The following HP1BP3 variants were observed in gnomAD, a reference collection of about 807,000 sequenced individuals.
The protein encoded by HP1BP3 is heterochromatin protein 1-binding protein 3.
In HP1BP3, 12 loss-of-function variants were observed where a neutral mutation model predicts 62.5. That is an observed-to-expected ratio of 0.19 (90% CI 0.12 to 0.31). HP1BP3 has a LOEUF of 0.31. Ranked by LOEUF, HP1BP3 falls within the 10% of genes least tolerant of loss-of-function variation. The probability of loss-of-function intolerance (pLI) is 1.00; values close to 1 mark genes in which losing one functional copy is unlikely to be tolerated. For synonymous variants in HP1BP3, 260 were observed against 237.8 expected (o/e 1.09, Z -0.86); for missense variants, 502 against 651.8 (o/e 0.77, Z 2.50).
At chr1:20,750,042 G>A in intron 9 of HP1BP3, 160 bp from the exon 10 acceptor site, 1 of 1,378,400 alleles carries the variant, frequency 7.3e-7, no homozygotes, top group South Asian at 1.6e-5. Flanking sequence ...CCATTCAACA[G>A]GTATTCAATC....
intron 1 of HP1BP3, among the ~76,000 whole-genome samples, chr1:20,781,501 A>C (rs920670204): frequency 6.6e-6 from 1 of 152,254 alleles, no homozygotes; most frequent in Non-Finnish European, 1.5e-5. Flanking sequence ...TTATGGGAAC[A>C]CCAAGAACAA....
In HP1BP3 at chr1:20,746,454, T is replaced by G. The variant is rs558309078; in HGVS notation, c.1254-798A>C. Among the ~76,000 whole-genome samples the G allele has an allele frequency of 1.6e-4, 24 of 152,324 alleles. No homozygotes were observed. In the South Asian group the frequency reaches 5.0e-3, roughly 32 times the overall value. ...AATATGTATTAAGCCAAGTAACACT[T>G]ATGTTTGTACAGAAATAATAATATA... On this transcript the variant is annotated intron_variant, in intron 11 of 12. Transcript: ENST00000438032.
At chr1:20,773,766 A>T (rs2154541112) in intron 4 of HP1BP3, 156 bp from the exon 5 acceptor site, 1 of 471,520 alleles carries the variant, frequency 2.1e-6, no homozygotes, top group East Asian at 3.4e-5. Context: ...TACAAAATAA[A>T]TCTTCTTTAA....
chr1:20,755,527 A>G (rs1284912572), intron 9 of HP1BP3: 1 of 330,538 alleles, frequency 3.0e-6, no homozygotes, highest in Non-Finnish European at 6.4e-6. Context: ...GTGAGCCAAG[A>G]TCACACCACT....
intron 6 of HP1BP3, among the ~76,000 whole-genome samples, chr1:20,768,535 A>G (rs770342921): frequency 2.7e-4 from 41 of 151,888 alleles, no homozygotes; most frequent in Admixed American, 7.9e-4. Flanking sequence ...ACTTTCATAA[A>G]ATTTTAAAGT....
intron 5 of HP1BP3, among the ~76,000 whole-genome samples, chr1:20,772,890 G>A (rs1487721293): frequency 2.0e-5 from 3 of 152,166 alleles, no homozygotes; most frequent in Non-Finnish European, 4.4e-5. Flanking sequence ...TCTATGTAAG[G>A]AGGATAATTT....
At chr1:20,776,239 A>C (rs2057299639) in intron 4 of HP1BP3, 2 of 447,038 alleles carry the variant, frequency 4.5e-6, no homozygotes, top group Admixed American at 8.2e-5. Context: ...AGTAGGAATA[A>C]AATAGTGAAA....
In HP1BP3 at chr1:20,776,764, T is replaced by G; in HGVS notation, c.197-14A>C. Reference sequence around the variant, plus strand: ...TTATGTCTGGTTCTAAAAAATCAGGTGAGCAGAATTGCATAAGCAGATGTA... The same window carrying G: ...TTATGTCTGGTTCTAAAAAATCAGGGGAGCAGAATTGCATAAGCAGATGTA... On this transcript the variant is annotated splice_polypyrimidine_tract_variant and intron_variant, in intron 3 of 12. Transcript: ENST00000438032. The G allele has an allele frequency of 6.2e-7, 1 of 1,605,470 alleles. No homozygotes were observed. Among genetic ancestry groups the G allele is most frequent in the South Asian group, 1.1e-5 (1 of 89,260 alleles).
chr1:20,756,194 G>A (rs1403440158), intron 9 of HP1BP3, among the ~76,000 whole-genome samples: 1 of 152,156 alleles, frequency 6.6e-6, no homozygotes, highest in Non-Finnish European at 1.5e-5. Flanking sequence ...GATTTGTTGA[G>A]TTTTGGTGTA....
At chr1:20,774,720 C>T (rs1238530700) in intron 4 of HP1BP3, 1 of 152,220 alleles carries the variant, frequency 6.6e-6, no homozygotes, top group Non-Finnish European at 1.5e-5. Flanking sequence ...CGCGGTGACT[C>T]ATGCCTGTAA....
At chr1:20,771,593 A>G (rs1049860451) in intron 5 of HP1BP3, among the ~76,000 whole-genome samples, 1 of 152,214 alleles carries the variant, frequency 6.6e-6, no homozygotes, top group Non-Finnish European at 1.5e-5. Context: ...GTTTTGGGTA[A>G]TAGTGAAGGT....
At chr1:20,760,613 G>T (rs2056411206) in intron 8 of HP1BP3, among the ~76,000 whole-genome samples, 1 of 151,438 alleles carries the variant, frequency 6.6e-6, no homozygotes, top group East Asian at 1.9e-4. Context: ...AAGGCGGTCA[G>T]ATCACTGGAG....
chr1:20,768,213 G>A (rs1315605379), intron 6 of HP1BP3, among the ~76,000 whole-genome samples: 1 of 152,106 alleles, frequency 6.6e-6, no homozygotes, highest in African/African-American at 2.4e-5. Context: ...TTGGGAGGCC[G>A]AGGCGGGCGA....
chr1:20,782,567 G>C (rs1344462164), intron 1 of HP1BP3, among the ~76,000 whole-genome samples: 1 of 150,576 alleles, frequency 6.6e-6, no homozygotes, highest in Non-Finnish European at 1.5e-5. Flanking sequence ...CTAGGTGACA[G>C]AGCAGAGCCT....
chr1:20,765,588 C>T (rs564274602), intron 7 of HP1BP3, 57 bp from the exon 8 acceptor site: 46 of 1,383,864 alleles, frequency 3.3e-5, no homozygotes, highest in Non-Finnish European at 4.5e-5. Context: ...TTTCTACATA[C>T]AACTCAAGGG....
At chr1:20,771,335 C>T (rs1447359731) in intron 5 of HP1BP3, among the ~76,000 whole-genome samples, 1 of 152,146 alleles carries the variant, frequency 6.6e-6, no homozygotes, top group East Asian at 1.9e-4. Flanking sequence ...AATGAAGAAC[C>T]TCTTTCCATT....
At chr1:20,760,234 G>A (rs535537840) in intron 8 of HP1BP3, among the ~76,000 whole-genome samples, 5 of 152,182 alleles carry the variant, frequency 3.3e-5, no homozygotes, top group African/African-American at 1.2e-4. Flanking sequence ...GACACTGAAT[G>A]TTTGAGTAGA....
intron 4 of HP1BP3, chr1:20,774,642 G>C (rs938274856): frequency 2.6e-5 from 4 of 152,086 alleles, no homozygotes; most frequent in African/African-American, 9.7e-5. Flanking sequence ...TCACTTGTTT[G>C]TGGTGACATT....
At chr1:20,757,381 T>A (rs2056184281) in intron 8 of HP1BP3, 125 bp from the exon 9 acceptor site, 4 of 420,846 alleles carry the variant, frequency 9.5e-6, no homozygotes, top group African/African-American at 2.2e-5. Context: ...TATTTTTTTT[T>A]TTTTTTTGAG....
Sources: allele counts gnomAD v4.1 joint callset (sites outside exome capture counted in the v4.1 genomes callset), GRCh38; gene constraint gnomAD v4.1.1; transcripts MANE v1.5; gene names NCBI Gene and HGNC (gene_info 2026-07-23, HGNC 2026-07-21).